The following AHCTF1 variants were observed in gnomAD, a reference collection of about 807,000 sequenced individuals.
The protein encoded by AHCTF1 is protein ELYS.
AHCTF1 carries 24 observed loss-of-function variants against 248.4 expected under a neutral mutation model. The ratio of observed to expected loss-of-function variants is 0.10; its 90% CI spans 0.07 to 0.14. AHCTF1 has a LOEUF of 0.14. AHCTF1 is among the 10% of genes least tolerant of loss of function. AHCTF1 has a pLI of 1.00. For synonymous variants in AHCTF1, 786 were observed against 929.8 expected, an observed-to-expected ratio of 0.85 and a Z score of 2.81; for missense variants, 2,206 against 2,636.2, an observed-to-expected ratio of 0.84 and a Z score of 3.57.
In AHCTF1 at chr1:246,857,787, T is replaced by A; in HGVS notation, c.4160A>T (p.Asp1387Val). 1 of 1,612,402 alleles carries A rather than the reference T, an allele frequency of 6.2e-7. No individual in the cohort carries two copies. Among genetic ancestry groups the A allele is most frequent in the African/African-American group, 1.3e-5 (1 of 74,882 alleles). Residue 1387 changes from aspartate to valine, a missense_variant, in exon 30 of 36, where the codon GAT (aspartate) becomes GTT (valine). Coordinates refer to ENST00000648844, the MANE Select transcript of AHCTF1 (RefSeq NM_001323342.2). ...AAATGCCTCTGCTGCAACTAAGAGA[T>A]CCTTTGTTTCTGCATCTTCTAAATT... ...MGNLEDAETK[D>V]LLVAAEAFSE... is the part of the protein sequence containing the mutation.
intron 4 of AHCTF1, among the ~76,000 whole-genome samples, chr1:246,908,365 A>G (rs1435350017): frequency 6.6e-6 from 1 of 150,672 alleles, no homozygotes; most frequent in East Asian, 1.9e-4. Flanking sequence ...GGGGAAGCCT[A>G]CCCTCCCCAC....
At chr1:246,864,478 AT>A (rs1415771909) in intron 26 of AHCTF1, among the ~76,000 whole-genome samples, 2 of 152,178 alleles carry the variant, frequency 1.3e-5, no homozygotes, top group Non-Finnish European at 2.9e-5. Context: ...CTGGCAATCT[AT>A]TTACTAAAAT....
At chr1:246,882,790 A>C (rs566769452) in intron 21 of AHCTF1, among the ~76,000 whole-genome samples, 2 of 152,356 alleles carry the variant, frequency 1.3e-5, no homozygotes, top group East Asian at 3.9e-4. Context: ...TTTGCACGTA[A>C]AACAGCCACG....
Position 246,853,152 on chromosome 1 carries a change from A to G in AHCTF1, c.4502T>C (p.Val1501Ala). The G allele has an allele frequency of 6.2e-7, 1 of 1,612,854 alleles. No homozygotes were observed. The highest frequency in any genetic ancestry group is 1.3e-5 in the African/African-American group (1 of 74,984). ...TGGAAGCTTTTCTTCTGGTAAGTCA[A>G]CACTTTCTTTTAGTACACCAACTTC... Reference protein sequence around the residue: ...EVEVGVLKESVDLPEEKLPIS... With the variant: ...EVEVGVLKESADLPEEKLPIS... The change falls in exon 32 of 36, where the codon GTT becomes GCT. Residue 1501 changes from valine (V) to alanine (A), a missense_variant. This residue lies in a region of AHCTF1 where 955 missense variants were observed against 1,055.6 expected (regional missense o/e 0.90). Transcript: ENST00000648844.
intron 11 of AHCTF1, 147 bp downstream of exon 11, chr1:246,899,304 C>T (rs1664831734): frequency 1.8e-6 from 1 of 564,180 alleles, no homozygotes; most frequent in Admixed American, 3.9e-5. Context: ...ACTGATACTA[C>T]TAGTTGATAA....
rs1660669224 is a variant in AHCTF1 at position 246,850,964 on chromosome 1, C to T, written c.5042G>A (p.Ser1681Asn). ...NLLDVIKDTR[S>N]KEITSDTMEQ... ...CATTGTATCTGAAGTAATTTCTTTACTTCTTGTGTCTTTAATTACATCTAG... is the reference window on the plus strand; with the variant it reads ...CATTGTATCTGAAGTAATTTCTTTATTTCTTGTGTCTTTAATTACATCTAG... The change falls in exon 33 of 36, where the codon AGT (serine) becomes AAT (asparagine). Residue 1681 changes from serine to asparagine, a missense_variant. By Grantham distance (46) the Ser-to-Asn change is conservative. Coordinates refer to ENST00000648844, the MANE Select transcript of AHCTF1 (RefSeq NM_001323342.2). The T allele has an allele frequency of 1.9e-6, 3 of 1,613,782 alleles. No individual in the cohort carries two copies. The highest frequency in any genetic ancestry group is 3.3e-5 in the Admixed American group (2 of 59,990).
At chr1:246,880,520 C>T (rs1456375288) in intron 21 of AHCTF1, among the ~76,000 whole-genome samples, 2 of 148,270 alleles carry the variant, frequency 1.3e-5, no homozygotes, top group Non-Finnish European at 3.0e-5. Flanking sequence ...GCCGAGATCG[C>T]GCCACTGCAC....
chr1:246,857,593 C>T, intron 30 of AHCTF1, 98 bp downstream of exon 30: 3 of 1,289,512 alleles, frequency 2.3e-6, no homozygotes, highest in Non-Finnish European at 3.2e-6. Flanking sequence ...TGTTAAAGAT[C>T]TAAGTGAAAT....
intron 25 of AHCTF1, 109 bp from the exon 26 acceptor site, chr1:246,867,460 C>T: frequency 2.0e-6 from 2 of 981,512 alleles, no homozygotes; most frequent in Admixed American, 2.9e-5. Context: ...TACAGTTCTG[C>T]ATTGCTTACA....
At chr1:246,915,875 G>A (rs573150454) in intron 3 of AHCTF1, among the ~76,000 whole-genome samples, 1 of 152,266 alleles carries the variant, frequency 6.6e-6, no homozygotes, top group East Asian at 1.9e-4. Flanking sequence ...AAGAGTATCA[G>A]AACATTACAT....
At chr1:246,889,255 A>G (rs543884107) in intron 17 of AHCTF1, among the ~76,000 whole-genome samples, 58 of 150,872 alleles carry the variant, frequency 3.8e-4, no homozygotes, top group African/African-American at 1.4e-3. Context: ...TATGGTCCCT[A>G]TTTCCTTTTC....
intron 12 of AHCTF1, among the ~76,000 whole-genome samples, chr1:246,896,339 A>C (rs921048046): frequency 3.3e-5 from 5 of 152,252 alleles, no homozygotes; most frequent in African/African-American, 1.2e-4. Context: ...GTAGATAAAC[A>C]AATTATGGTA....
At position 246,929,909 on chromosome 1, in the gene AHCTF1, G is replaced by C. The variant is rs1036460670; in HGVS notation, c.-8+1669C>G. Among the ~76,000 whole-genome samples the C allele has an allele frequency of 2.6e-5, 4 of 152,214 alleles. No individual in the cohort carries two copies. In the East Asian group the frequency reaches 7.8e-4, roughly 30 times the overall value. ...TCTACTAAAAATACAAAAATTAGCCGGGTGTGGTGGCGTGCGCCTGTAATC... is the reference window on the plus strand; with the variant it reads ...TCTACTAAAAATACAAAAATTAGCCCGGTGTGGTGGCGTGCGCCTGTAATC... On this transcript the variant is annotated intron_variant, in intron 1 of 35. Transcript: ENST00000648844.
intron 31 of AHCTF1, among the ~76,000 whole-genome samples, chr1:246,853,739 T>A (rs1660891427): frequency 6.6e-6 from 1 of 152,160 alleles, no homozygotes; most frequent in Non-Finnish European, 1.5e-5. Flanking sequence ...TAGGTACAAA[T>A]GTACTCTACT....
chr1:246,853,417 A>T (rs1363418168), intron 31 of AHCTF1, 118 bp from the exon 32 acceptor site: 5 of 730,662 alleles, frequency 6.8e-6, no homozygotes, highest in African/African-American at 1.8e-5. Context: ...ATAAACTATC[A>T]CAATGCCAGA....
intron 1 of AHCTF1, chr1:246,931,335 C>T (rs577891160): frequency 1.5e-5 from 23 of 1,545,018 alleles, no homozygotes; most frequent in Non-Finnish European, 2.0e-5. Flanking sequence ...CATGTGCCGC[C>T]GCTCCTCCGG....
intron 8 of AHCTF1, among the ~76,000 whole-genome samples, chr1:246,902,164 C>T (rs1665046794): frequency 6.6e-6 from 1 of 152,112 alleles, no homozygotes; most frequent in South Asian, 2.1e-4. Flanking sequence ...AGCGATGACA[C>T]TAAAGAAGAC....
intron 17 of AHCTF1, 115 bp from the exon 18 acceptor site, chr1:246,888,632 G>T: frequency 7.8e-7 from 1 of 1,288,156 alleles, no homozygotes; most frequent in Non-Finnish European, 1.1e-6. Context: ...GAAGAGGCTG[G>T]GCATGGTGGC....
At chr1:246,889,675 T>C (rs924522603) in intron 17 of AHCTF1, among the ~76,000 whole-genome samples, 7 of 152,222 alleles carry the variant, frequency 4.6e-5, no homozygotes, top group African/African-American at 1.7e-4. Context: ...CTAAATGTTA[T>C]ATGCTTTGTA....
Sources: gnomAD v4.1 joint callset for allele counts (sites outside exome capture counted in the v4.1 genomes callset) on GRCh38, gnomAD v4.1.1 for gene constraint, gnomAD v4.1.1 regional missense constraint, MANE v1.5 for transcripts, NCBI Gene and HGNC (gene_info 2026-07-23, HGNC 2026-07-21) for gene names.